STON2: variants seen among roughly 807,000 people sequenced by gnomAD.
The protein encoded by STON2 is stonin 2, also known as stonin-2.
A neutral mutation model predicts 65.7 loss-of-function variants in STON2; 29 were observed. The observed-to-expected ratio is 0.44, with a 90% confidence interval of 0.33 to 0.60. The LOEUF is 0.60. STON2 is among the 20% of genes least tolerant of loss of function. The probability of loss-of-function intolerance (pLI) is 0.03; values close to 1 mark genes in which losing one functional copy is unlikely to be tolerated. For synonymous variants in STON2, 404 were observed against 414.2 expected (o/e 0.98, Z 0.30); for missense variants, 1,054 against 1,118.1 (o/e 0.94, Z 0.82).
chr14:81,345,291 T>C (rs963289997), intron 4 of STON2, among the ~76,000 whole-genome samples: 11 of 152,158 alleles, frequency 7.2e-5, no homozygotes, highest in African/African-American at 2.2e-4. Flanking sequence ...GTATTTAAGA[T>C]GAAATGAAGT....
intron 4 of STON2, among the ~76,000 whole-genome samples, chr14:81,359,215 T>C (rs1168486369): frequency 6.6e-6 from 1 of 152,152 alleles, no homozygotes; most frequent in African/African-American, 2.4e-5. Context: ...TGTAAACAAA[T>C]GGAAATCAAT....
Position 81,263,883 on chromosome 14 carries a change from T to A in STON2, c.*4531A>T, listed in dbSNP as rs1043080714. ...TGTTTTCCCACCACTAAACTTATGG[T>A]GAAATATATATCACCTCTGAAATCA... On this transcript the variant is annotated 3_prime_UTR_variant, in exon 8 of 8. Transcript: ENST00000614646. 1.2e-5 allele frequency: 12 copies of A among 985,280 alleles called. No individual in the cohort carries two copies. Among genetic ancestry groups the A allele is most frequent in the Non-Finnish European group, 1.4e-5 (12 of 829,948 alleles). The allele number at this position is 985,280 out of a possible 1,614,324, so 61.0% of individuals were successfully genotyped here.
At chr14:81,346,599 A>C (rs1897819287) in intron 4 of STON2, among the ~76,000 whole-genome samples, 1 of 152,196 alleles carries the variant, frequency 6.6e-6, no homozygotes. Flanking sequence ...TTTATCGAAC[A>C]TTTATCTAAC....
chr14:81,436,207 G>A (rs1902415438), intron 1 of STON2: 2 of 151,744 alleles, frequency 1.3e-5, no homozygotes, highest in South Asian at 3.8e-4. Flanking sequence ...AGCGGCGCTA[G>A]GACCTCGCGG....
At chr14:81,393,464 T>G (rs1036495917) in intron 3 of STON2, among the ~76,000 whole-genome samples, 1 of 152,128 alleles carries the variant, frequency 6.6e-6, no homozygotes, top group Non-Finnish European at 1.5e-5. Flanking sequence ...GCACAGGGCA[T>G]CCGAAGGCTG....
intron 3 of STON2, among the ~76,000 whole-genome samples, chr14:81,391,661 G>A (rs1566940050): frequency 6.6e-6 from 1 of 152,186 alleles, no homozygotes; most frequent in African/African-American, 2.4e-5. Flanking sequence ...CAGAAAATTT[G>A]GAATTGAACC....
intron 5 of STON2, among the ~76,000 whole-genome samples, chr14:81,321,544 T>TGG (rs1896822571): frequency 6.6e-6 from 1 of 152,120 alleles, no homozygotes. Flanking sequence ...AGATGCCTCT[T>TGG]TAAATATACA....
At chr14:81,374,587 G>A (rs1380546484) in intron 3 of STON2, among the ~76,000 whole-genome samples, 9 of 150,614 alleles carry the variant, frequency 6.0e-5, no homozygotes, top group Admixed American at 5.9e-4. Context: ...AATAAGAAAA[G>A]AAATTAAAAA....
In STON2 at chr14:81,277,287, A is replaced by T; in HGVS notation, c.2195T>A (p.Met732Lys). 1 of 1,614,218 alleles carries T rather than the reference A, an allele frequency of 6.2e-7. No individual in the cohort carries two copies. Among genetic ancestry groups the T allele is most frequent in the African/African-American group, 1.3e-5 (1 of 75,056 alleles). ...CTCAGCAAACACTGTCCTGAACCGC[A>T]TTAGCTCAAACCGGCACGCATCCAA... ...NPLDACRFEL[M>K]RFRTVFAEKT... Residue 732 changes from methionine (M) to lysine (K), a missense_variant, in exon 6 of 8, where the codon ATG becomes AAG. Coordinates refer to ENST00000614646, the MANE Select transcript of STON2 (RefSeq NM_001394390.1).
At chr14:81,379,821 TCTCA>T (rs1263496359) in intron 3 of STON2, among the ~76,000 whole-genome samples, 2 of 152,184 alleles carry the variant, frequency 1.3e-5, no homozygotes, top group African/African-American at 4.8e-5. Context: ...GACTCCTACC[TCTCA>T]CTATGTATAA....
intron 4 of STON2, among the ~76,000 whole-genome samples, chr14:81,352,760 T>G (rs1898073634): frequency 6.6e-6 from 1 of 152,248 alleles, no homozygotes; most frequent in African/African-American, 2.4e-5. Context: ...TCTTCAGTAT[T>G]ACCACATTAG....
chr14:81,374,355 C>T (rs1285937497), intron 3 of STON2, among the ~76,000 whole-genome samples: 1 of 151,858 alleles, frequency 6.6e-6, no homozygotes, highest in East Asian at 1.9e-4. Context: ...TTCAAACCAG[C>T]CTCCTCAGAC....
chr14:81,436,289 C>A (rs1445953687), intron 1 of STON2: 1 of 151,664 alleles, frequency 6.6e-6, no homozygotes, highest in South Asian at 2.0e-4. Context: ...GGGGCGCGCT[C>A]GCCTCCTGCT....
chr14:81,314,034 C>T (rs1409146738), intron 5 of STON2, among the ~76,000 whole-genome samples: 2 of 152,226 alleles, frequency 1.3e-5, no homozygotes, highest in South Asian at 2.1e-4. Flanking sequence ...GCGACAGAGC[C>T]TTCCAGTGCC....
At chr14:81,361,519 A>C (rs1898492465) in intron 4 of STON2, among the ~76,000 whole-genome samples, 1 of 152,182 alleles carries the variant, frequency 6.6e-6, no homozygotes, top group African/African-American at 2.4e-5. Context: ...AAAGGTTTAA[A>C]CATAAGACCT....
intron 3 of STON2, among the ~76,000 whole-genome samples, chr14:81,380,097 T>C (rs1413543316): frequency 6.6e-6 from 1 of 152,196 alleles, no homozygotes; most frequent in Non-Finnish European, 1.5e-5. Context: ...ACTATGCATC[T>C]GACAAAGGTC....
At chr14:81,434,709 T>G (rs1902347075) in intron 1 of STON2, among the ~76,000 whole-genome samples, 1 of 152,088 alleles carries the variant, frequency 6.6e-6, no homozygotes, top group Non-Finnish European at 1.5e-5. Context: ...AGGAGGCAAT[T>G]GAGCAGGGGG....
At position 81,277,799 on chromosome 14, in the gene STON2, G is replaced by A; in HGVS notation, c.1683C>T (p.Val561=). 3.1e-6 allele frequency: 5 copies of A among 1,614,134 alleles called. No individual in the cohort carries two copies. Among genetic ancestry groups the A allele is most frequent in the Non-Finnish European group, 2.5e-6 (3 of 1,180,038 alleles). ...GGTATTTCTTCTTCTCTTTATAGGT[G>A]ACACGGTCTATCCGCAAGCTGTGGA... ...GRIHSLRIDR[V]TYKEKKKYQP... Residue 561 remains valine (V), a synonymous_variant, in exon 6 of 8, where the codon GTC becomes GTT. Coordinates refer to ENST00000614646, the MANE Select transcript of STON2 (RefSeq NM_001394390.1).
intron 1 of STON2, among the ~76,000 whole-genome samples, chr14:81,431,885 C>T (rs376308375): frequency 2.0e-5 from 3 of 151,812 alleles, no homozygotes; most frequent in Non-Finnish European, 4.4e-5. Flanking sequence ...GTAGAGGTTG[C>T]GGCAAGCTTA....
Sources: allele counts gnomAD v4.1 joint callset (sites outside exome capture counted in the v4.1 genomes callset), GRCh38; gene constraint gnomAD v4.1.1; transcripts MANE v1.5; gene names NCBI Gene and HGNC (gene_info 2026-07-23, HGNC 2026-07-21).